DOCK4: variants seen among roughly 807,000 people sequenced by gnomAD.
DOCK4 encodes the protein dedicator of cytokinesis 4, also known as dedicator of cytokinesis protein 4.
In DOCK4, 97 loss-of-function variants were observed where a neutral mutation model predicts 268.1. The ratio of observed to expected loss-of-function variants is 0.36; its 90% CI spans 0.31 to 0.43. The LOEUF (loss-of-function observed/expected upper bound fraction) is 0.43. Ranked by LOEUF, DOCK4 falls within the 20% of genes least tolerant of loss-of-function variation. The probability of loss-of-function intolerance (pLI) is 1.00; values close to 1 mark genes in which losing one functional copy is unlikely to be tolerated. For synonymous variants in DOCK4, 954 were observed against 887.2 expected, an observed-to-expected ratio of 1.08 and a Z score of -1.34; for missense variants, 2,145 against 2,455.7, an observed-to-expected ratio of 0.87 and a Z score of 2.67.
intron 1 of DOCK4, among the ~76,000 whole-genome samples, chr7:112,115,825 T>C (rs549886753): frequency 6.6e-6 from 1 of 152,144 alleles, no homozygotes; most frequent in Non-Finnish European, 1.5e-5. Context: ...GGACTACAGG[T>C]ACAAGTCAAA....
At chr7:111,887,807 T>C (rs1038462644) in intron 16 of DOCK4, among the ~76,000 whole-genome samples, 1 of 149,722 alleles carries the variant, frequency 6.7e-6, no homozygotes, top group African/African-American at 2.5e-5. Flanking sequence ...TCTGTGTGAA[T>C]ACTGCTGGAA....
intron 10 of DOCK4, among the ~76,000 whole-genome samples, chr7:111,943,517 A>G (rs1030914070): frequency 1.3e-5 from 2 of 152,254 alleles, no homozygotes; most frequent in African/African-American, 4.8e-5. Flanking sequence ...ACCACATTTT[A>G]CTTTAACCAT....
At chr7:112,130,955 T>C (rs190954459) in intron 1 of DOCK4, among the ~76,000 whole-genome samples, 2 of 152,320 alleles carry the variant, frequency 1.3e-5, no homozygotes, top group African/African-American at 2.4e-5. Flanking sequence ...AATAAATCCA[T>C]TTGACTTCCA....
intron 1 of DOCK4, among the ~76,000 whole-genome samples, chr7:112,067,393 C>T (rs1807178627): frequency 6.6e-6 from 1 of 151,788 alleles, no homozygotes. Context: ...CTGGCCAGGG[C>T]AATTAAAAGC....
chr7:111,844,828 A>G lies in DOCK4; in HGVS notation c.2671T>C (p.Leu891=), dbSNP rs1326975792. Residue 891 remains leucine, a synonymous_variant, in exon 25 of 53, where the codon TTG becomes CTG. Transcript: ENST00000428084. ...SLLDILLRTI[L]EITSRPQPSS... Reference sequence around the variant, plus strand: ...GGCTGAGGTCGGCTGGTGATCTCCAATATGGTCCTCAGCAGAATATCCAGC... The same window carrying G: ...GGCTGAGGTCGGCTGGTGATCTCCAGTATGGTCCTCAGCAGAATATCCAGC... 2 of 1,613,564 alleles carry G rather than the reference A, an allele frequency of 1.2e-6. No homozygotes were observed. Among genetic ancestry groups the G allele is most frequent in the Admixed American group, 1.7e-5 (1 of 59,966 alleles).
chr7:112,136,868 C>T (rs112938988), intron 1 of DOCK4, among the ~76,000 whole-genome samples: 2 of 152,044 alleles, frequency 1.3e-5, no homozygotes, highest in Non-Finnish European at 2.9e-5. Flanking sequence ...GTGCTAGGAG[C>T]TTTTATTTAT....
chr7:112,173,882 G>A (rs548439221), intron 1 of DOCK4, among the ~76,000 whole-genome samples: 4 of 152,168 alleles, frequency 2.6e-5, no homozygotes, highest in Non-Finnish European at 4.4e-5. Flanking sequence ...ATACCTGTGC[G>A]GCCTGACAAC....
chr7:111,961,280 G>A (rs563291470), intron 8 of DOCK4, among the ~76,000 whole-genome samples: 1 of 152,274 alleles, frequency 6.6e-6, no homozygotes, highest in South Asian at 2.1e-4. Flanking sequence ...AATAAAAGAA[G>A]TGTCCTTCCT....
At chr7:111,941,202 C>A (rs75411973) in intron 10 of DOCK4, among the ~76,000 whole-genome samples, 15,648 of 152,144 alleles carry the variant, frequency 0.1, 1,044 homozygotes, top group East Asian at 0.33. Context: ...AAAAATGGCC[C>A]AAATAAGCCA....
At chr7:112,127,708 C>CA (rs1256918203) in intron 1 of DOCK4, among the ~76,000 whole-genome samples, 1 of 151,956 alleles carries the variant, frequency 6.6e-6, no homozygotes, top group African/African-American at 2.4e-5. Flanking sequence ...AATACTACAT[C>CA]ACCAATGAGT....
chr7:111,853,713 T>A (rs1181236860), intron 23 of DOCK4, among the ~76,000 whole-genome samples: 1 of 152,070 alleles, frequency 6.6e-6, no homozygotes, highest in Non-Finnish European at 1.5e-5. Context: ...CCTGAATGCC[T>A]CCACCTCAGG....
In DOCK4 at chr7:111,989,066, C is replaced by A. The variant is rs1357541240; in HGVS notation, c.413G>T (p.Arg138Leu). The stretch of plus-strand genomic sequence containing the variant: ...AATGTGGCGCTTCACGTCCTTCATC[C>A]GGTCGTGGGTGAGGTGGCCCACCAG... Reference protein sequence around the residue: ...QVLVGHLTHDRMKDVKRHITA... With the variant: ...QVLVGHLTHDLMKDVKRHITA... The change falls in exon 6 of 53, where the codon CGG (arginine) becomes CTG (leucine). Residue 138 changes from arginine (R) to leucine (L), a missense_variant. Physicochemically the swap from Arg to Leu is moderately radical, Grantham distance 102. Coordinates refer to ENST00000428084, the MANE Select transcript of DOCK4 (RefSeq NM_001363540.2). 6.2e-7 allele frequency: 1 copy of A among 1,613,770 alleles called. No individual in the cohort carries two copies. The highest frequency in any genetic ancestry group is 1.3e-5 in the African/African-American group (1 of 74,924).
chr7:111,731,098 CCA>C (rs1795055340), intron 52 of DOCK4, among the ~76,000 whole-genome samples: 1 of 152,142 alleles, frequency 6.6e-6, no homozygotes, highest in Non-Finnish European at 1.5e-5. Flanking sequence ...GCTATGACTT[CCA>C]GAGTGAATGC....
intron 12 of DOCK4, among the ~76,000 whole-genome samples, chr7:111,920,786 A>G (rs558933696): frequency 5.7e-4 from 87 of 151,982 alleles, no homozygotes; most frequent in Non-Finnish European, 1.2e-3. Context: ...AAACTTATAC[A>G]GAGAGAGACA....
At chr7:111,803,645 A>C (rs1586033320) in intron 30 of DOCK4, among the ~76,000 whole-genome samples, 1 of 152,204 alleles carries the variant, frequency 6.6e-6, no homozygotes, top group East Asian at 1.9e-4. Flanking sequence ...GAAAGATAAA[A>C]GCCAACACTG....
chr7:112,181,775 T>G (rs6977379), intron 1 of DOCK4, among the ~76,000 whole-genome samples: 10,483 of 152,116 alleles, frequency 0.069, 803 homozygotes, highest in African/African-American at 0.18. Flanking sequence ...ATCACAGGAT[T>G]GAAATGGATT....
intron 1 of DOCK4, among the ~76,000 whole-genome samples, chr7:112,146,987 T>C (rs1360527063): frequency 1.3e-5 from 2 of 152,114 alleles, no homozygotes; most frequent in Admixed American, 6.6e-5. Flanking sequence ...ACCTTATAAA[T>C]ACATCTACCT....
chr7:112,010,752 C>T (rs1161550332), intron 1 of DOCK4, among the ~76,000 whole-genome samples: 1 of 152,190 alleles, frequency 6.6e-6, no homozygotes, highest in Non-Finnish European at 1.5e-5. Flanking sequence ...AGACATGTCA[C>T]GCAACTCTCT....
At chr7:112,026,786 G>A (rs761809114) in intron 1 of DOCK4, among the ~76,000 whole-genome samples, 4 of 151,974 alleles carry the variant, frequency 2.6e-5, no homozygotes, top group Non-Finnish European at 4.4e-5. Context: ...ATATACTATC[G>A]AACCATTTAC....
Sources: gnomAD v4.1 joint callset for allele counts (sites outside exome capture counted in the v4.1 genomes callset) on GRCh38, gnomAD v4.1.1 for gene constraint, MANE v1.5 for transcripts, NCBI Gene and HGNC (gene_info 2026-07-23, HGNC 2026-07-21) for gene names.